OTUD4: variants seen among roughly 807,000 people sequenced by gnomAD.
OTUD4 encodes the protein OTU deubiquitinase 4, also known as OTU domain-containing protein 4.
OTUD4 carries 24 observed loss-of-function variants against 130.4 expected under a neutral mutation model. That is an observed-to-expected ratio of 0.18 (90% CI 0.13 to 0.26). OTUD4 has a LOEUF of 0.26. Ranked by LOEUF, OTUD4 falls within the 10% of genes least tolerant of loss-of-function variation. The pLI is 1.00. For synonymous variants in OTUD4, 420 were observed against 472.5 expected (o/e 0.89, Z 1.44); for missense variants, 1,031 against 1,329.4 (o/e 0.78, Z 3.49).
At chr4:145,144,099 T>C (rs1027310975) in intron 15 of OTUD4, 98 bp from the exon 16 acceptor site, 5 of 1,137,282 alleles carry the variant, frequency 4.4e-6, no homozygotes, top group Admixed American at 2.0e-5. Context: ...AAAAGTATTA[T>C]TTGAACCATG....
chr4:145,177,246 G>A (rs1291769340), intron 1 of OTUD4, among the ~76,000 whole-genome samples: 1 of 152,216 alleles, frequency 6.6e-6, no homozygotes, highest in African/African-American at 2.4e-5. Flanking sequence ...GCAACAGGTG[G>A]CAAACATAAG....
In OTUD4 at chr4:145,174,573, A is replaced by G. The variant is rs984249341; in HGVS notation, c.243+88T>C. ...ATTTTCATAACCCGCATTAAGATCC[A>G]GCCTGTGAAATTCTACTAGAACACT... On this transcript the variant is annotated intron_variant, in intron 2 of 20. Transcript: ENST00000447906. The G allele has an allele frequency of 5.4e-6, 4 of 745,760 alleles. No homozygotes were observed. The Admixed American group carries it at 7.6e-5, about 14-fold the overall frequency. 46.2% of individuals were successfully genotyped at this position (745,760 alleles called of 1,614,324 possible).
At chr4:145,162,013 C>T (rs1751596435) in intron 6 of OTUD4, among the ~76,000 whole-genome samples, 1 of 152,200 alleles carries the variant, frequency 6.6e-6, no homozygotes, top group Non-Finnish European at 1.5e-5. Flanking sequence ...CACTCTGCTG[C>T]CCAAGCTGGA....
chr4:145,140,965 A>T, intron 19 of OTUD4, among the ~76,000 whole-genome samples: 1 of 152,038 alleles, frequency 6.6e-6, no homozygotes, highest in Non-Finnish European at 1.5e-5. Flanking sequence ...GGAGATCGAG[A>T]CCATCCTGGC....
chr4:145,134,768 A>G lies in OTUD4; in HGVS notation c.*2662T>C. 1 of 399,046 alleles carries G rather than the reference A, an allele frequency of 2.5e-6. No homozygotes were observed. Among genetic ancestry groups the G allele is most frequent in the Admixed American group, 4.4e-5 (1 of 22,728 alleles). 24.7% of individuals were successfully genotyped at this position (399,046 alleles called of 1,614,324 possible). On this transcript the variant is annotated 3_prime_UTR_variant, in exon 21 of 21. Coordinates refer to ENST00000447906, the MANE Select transcript of OTUD4 (RefSeq NM_001366057.1). ...TGAAGATTTGAGAGGAAATGAAGAG[A>G]CATACACAACACCAAAGGGAAAAGG...
At chr4:145,143,076 A>G (rs577794428) in intron 17 of OTUD4, among the ~76,000 whole-genome samples, 3 of 152,382 alleles carry the variant, frequency 2.0e-5, no homozygotes, top group African/African-American at 7.2e-5. Context: ...AAAGTAATAC[A>G]AAGTATCAAA....
intron 3 of OTUD4, chr4:145,170,843 A>G (rs1752125197): frequency 6.6e-6 from 1 of 152,222 alleles, no homozygotes; most frequent in Non-Finnish European, 1.5e-5. Context: ...GGATTTTTAC[A>G]GTGAGAACGT....
At chr4:145,155,707 C>T in intron 8 of OTUD4, 21 bp from the exon 9 acceptor site, 1 of 1,439,736 alleles carries the variant, frequency 6.9e-7, no homozygotes, top group Non-Finnish European at 9.7e-7. Context: ...TCAGGAAGTC[C>T]AATCAACACA....
At chr4:145,157,563 A>ATAG (rs1318886262) in intron 7 of OTUD4, among the ~76,000 whole-genome samples, 5 of 152,078 alleles carry the variant, frequency 3.3e-5, no homozygotes, top group Admixed American at 2.0e-4. Context: ...ACATGCCTGT[A>ATAG]ATCCTAGCTA....
At chr4:145,166,039 T>G (rs927466601) in intron 3 of OTUD4, among the ~76,000 whole-genome samples, 2 of 151,864 alleles carry the variant, frequency 1.3e-5, no homozygotes, top group African/African-American at 4.8e-5. Flanking sequence ...CCCATGCCTA[T>G]AGTCCTAGCT....
At chr4:145,152,683 G>T in intron 10 of OTUD4, 48 bp from the exon 11 acceptor site, 1 of 1,030,816 alleles carries the variant, frequency 9.7e-7, no homozygotes, top group Non-Finnish European at 1.5e-6. Flanking sequence ...TCAGTCACCT[G>T]CTTCCTTTGC....
rs36226324 is a variant in OTUD4, at chr4:145,146,662, C to T, written c.1260-233G>A. ...GGAAGCTCCTGTAGCATTAGCCTAC[C>T]TTACAGAGAGTCAAGAAGACAAACA... On this transcript the variant is annotated intron_variant, in intron 13 of 20. Coordinates refer to ENST00000447906, the MANE Select transcript of OTUD4 (RefSeq NM_001366057.1). 4.6e-3 allele frequency among the ~76,000 whole-genome samples: 699 copies of T among 152,012 alleles called. 6 individuals are homozygous for T. The highest frequency in any genetic ancestry group is 0.016 in the African/African-American group (676 of 41,474).
At chr4:145,158,469 A>G (rs905521774) in intron 7 of OTUD4, among the ~76,000 whole-genome samples, 1 of 152,014 alleles carries the variant, frequency 6.6e-6, no homozygotes, top group Non-Finnish European at 1.5e-5. Context: ...GCAACAGTGC[A>G]AGACTCCGAT....
intron 3 of OTUD4, among the ~76,000 whole-genome samples, chr4:145,167,536 T>C (rs1046272278): frequency 6.6e-6 from 1 of 152,214 alleles, no homozygotes; most frequent in South Asian, 2.1e-4. Flanking sequence ...CTAATTTTTA[T>C]ACAAGAAGTA....
intron 2 of OTUD4, among the ~76,000 whole-genome samples, chr4:145,172,322 T>C (rs949683165): frequency 7.9e-5 from 12 of 152,216 alleles, no homozygotes; most frequent in African/African-American, 1.9e-4. Context: ...AGCTAAGAAA[T>C]AGTATAGCTT....
intron 11 of OTUD4, among the ~76,000 whole-genome samples, chr4:145,151,690 G>C (rs965867438): frequency 1.5e-4 from 23 of 152,238 alleles, no homozygotes; most frequent in African/African-American, 5.5e-4. Flanking sequence ...TGGGTGTTGA[G>C]TTATATTGGG....
chr4:145,168,942 A>ATAT (rs1479801255), intron 3 of OTUD4, among the ~76,000 whole-genome samples: 2 of 152,268 alleles, frequency 1.3e-5, no homozygotes, highest in Admixed American at 1.3e-4. Flanking sequence ...TGTGATAGAT[A>ATAT]CATACACAGA....
Position 145,144,013 on chromosome 4 carries a change from C to T in OTUD4, c.1547-12G>A. The T allele has an allele frequency of 2.5e-6, 4 of 1,607,104 alleles. No individual in the cohort carries two copies. The highest frequency in any genetic ancestry group is 1.7e-6 in the Non-Finnish European group (2 of 1,174,662). ...TCCATGAATAGAGTCTATAGCAGAT[C>T]AAGATTAAAAAAGACAGCATAAGCC... On this transcript the variant is annotated splice_polypyrimidine_tract_variant and intron_variant, in intron 15 of 20. Transcript: ENST00000447906.
chr4:145,172,517 A>G (rs1752224627), intron 2 of OTUD4, among the ~76,000 whole-genome samples: 1 of 152,184 alleles, frequency 6.6e-6, no homozygotes, highest in African/African-American at 2.4e-5. Context: ...AACCTTTTTT[A>G]TGTTTCTTTA....
Sources: allele counts gnomAD v4.1 joint callset (sites outside exome capture counted in the v4.1 genomes callset), GRCh38; gene constraint gnomAD v4.1.1; transcripts MANE v1.5; gene names NCBI Gene and HGNC (gene_info 2026-07-23, HGNC 2026-07-21).